The following FRMD4B variants were observed in gnomAD, a reference collection of about 807,000 sequenced individuals.
FRMD4B encodes the protein FERM domain containing 4B, also known as FERM domain-containing protein 4B.
In FRMD4B, 74 loss-of-function variants were observed where a neutral mutation model predicts 141.5. That is an observed-to-expected ratio of 0.52 (90% confidence interval 0.43 to 0.63). The LOEUF is 0.63. FRMD4B is among the 30% of genes least tolerant of loss of function. The pLI, the probability that FRMD4B is intolerant of heterozygous loss-of-function variation, is 0.00. For synonymous variants in FRMD4B, 506 were observed against 467.9 expected (o/e 1.08, Z -1.05); for missense variants, 1,366 against 1,253.4 (o/e 1.09, Z -1.36).
chr3:69,396,804 G>A (rs1215784783), intron 2 of FRMD4B, among the ~76,000 whole-genome samples: 2 of 152,142 alleles, frequency 1.3e-5, no homozygotes, highest in African/African-American at 2.4e-5. Flanking sequence ...GAATTACCAC[G>A]TGATCCAGCA....
chr3:69,418,797 C>T (rs1377015603), intron 2 of FRMD4B, among the ~76,000 whole-genome samples: 4 of 152,036 alleles, frequency 2.6e-5, no homozygotes, highest in African/African-American at 9.7e-5. Flanking sequence ...TTAAGTTGTG[C>T]CCAGACTCCT....
At chr3:69,395,727 A>G (rs1299486820) in intron 2 of FRMD4B, among the ~76,000 whole-genome samples, 1 of 152,220 alleles carries the variant, frequency 6.6e-6, no homozygotes, top group African/African-American at 2.4e-5. Flanking sequence ...TGAATTGTAT[A>G]CAAGAAGAGC....
intron 1 of FRMD4B, among the ~76,000 whole-genome samples, chr3:69,467,735 T>C (rs1203038028): frequency 6.6e-6 from 1 of 152,180 alleles, no homozygotes; most frequent in African/African-American, 2.4e-5. Flanking sequence ...AAGAAGAATA[T>C]GACTAGTCTG....
At chr3:69,316,366 G>A (rs1701803067) in intron 1 of FRMD4B, among the ~76,000 whole-genome samples, 1 of 152,134 alleles carries the variant, frequency 6.6e-6, no homozygotes, top group South Asian at 2.1e-4. Flanking sequence ...TCTCAGTAAA[G>A]CTCTGCAAAA....
At chr3:69,200,637 C>G in intron 11 of FRMD4B, 1 of 1,223,814 alleles carries the variant, frequency 8.2e-7, no homozygotes, top group African/African-American at 1.6e-5. Context: ...TTCCTCCCAT[C>G]AGGGAGAGGA....
At chr3:69,467,645 T>A (rs1344163636) in intron 1 of FRMD4B, among the ~76,000 whole-genome samples, 1 of 152,202 alleles carries the variant, frequency 6.6e-6, no homozygotes, top group Non-Finnish European at 1.5e-5. Flanking sequence ...GCCTAGGGTT[T>A]TTTGTGAGAA....
At chr3:69,359,457 CA>C (rs1223381326) in intron 1 of FRMD4B, among the ~76,000 whole-genome samples, 5 of 152,156 alleles carry the variant, frequency 3.3e-5, no homozygotes, top group African/African-American at 1.2e-4. Context: ...TAATTTAGTA[CA>C]AACTGGGACT....
intron 5 of FRMD4B, among the ~76,000 whole-genome samples, chr3:69,261,744 C>T (rs1303889055): frequency 6.6e-6 from 1 of 152,204 alleles, no homozygotes; most frequent in Non-Finnish European, 1.5e-5. Flanking sequence ...ACGATCTCAG[C>T]TCACCACAAC....
intron 5 of FRMD4B, among the ~76,000 whole-genome samples, chr3:69,252,084 G>T (rs1485056709): frequency 6.6e-6 from 1 of 152,070 alleles, no homozygotes; most frequent in African/African-American, 2.4e-5. Context: ...GACATCCCAC[G>T]ACCCACCTTT....
chr3:69,364,111 T>C (rs1239548643), intron 1 of FRMD4B, among the ~76,000 whole-genome samples: 1 of 152,166 alleles, frequency 6.6e-6, no homozygotes, highest in Non-Finnish European at 1.5e-5. Flanking sequence ...AAGCAAAGAA[T>C]GGATGTTTAA....
At chr3:69,400,360 C>T (rs1348742549) in intron 2 of FRMD4B, among the ~76,000 whole-genome samples, 2 of 150,062 alleles carry the variant, frequency 1.3e-5, no homozygotes, top group South Asian at 2.1e-4. Context: ...CTAGCCTGGG[C>T]AACAGAGTGA....
intron 1 of FRMD4B, among the ~76,000 whole-genome samples, chr3:69,356,343 G>A (rs6780513): frequency 0.37 from 56,088 of 151,878 alleles, 12,471 homozygotes; most frequent in African/African-American, 0.63. Context: ...ATCAGCTGCC[G>A]CTGTGGCCAG....
chr3:69,286,135 T>G (rs1700681803), intron 5 of FRMD4B, among the ~76,000 whole-genome samples: 2 of 152,184 alleles, frequency 1.3e-5, no homozygotes, highest in African/African-American at 4.8e-5. Flanking sequence ...ATGCCCACAC[T>G]ATAAGAAATG....
At chr3:69,456,158 C>T (rs1175085993) in intron 1 of FRMD4B, among the ~76,000 whole-genome samples, 2 of 152,166 alleles carry the variant, frequency 1.3e-5, no homozygotes, top group African/African-American at 2.4e-5. Flanking sequence ...TGAAACAGGG[C>T]TCCCTACCTC....
At chr3:69,291,588 A>T (rs1352500495) in intron 4 of FRMD4B, among the ~76,000 whole-genome samples, 2 of 152,144 alleles carry the variant, frequency 1.3e-5, no homozygotes, top group African/African-American at 4.8e-5. Context: ...CTCCTTCATC[A>T]TGGTGTGGGT....
intron 1 of FRMD4B, among the ~76,000 whole-genome samples, chr3:69,346,315 G>A (rs1702939804): frequency 6.6e-6 from 1 of 152,268 alleles, no homozygotes; most frequent in Non-Finnish European, 1.5e-5. Flanking sequence ...AAGCCTCCAA[G>A]AAATATGGGA....
In FRMD4B at chr3:69,300,758, C is replaced by T. The variant is rs138818893; in HGVS notation, c.416+1585G>A. Among the ~76,000 whole-genome samples the T allele has an allele frequency of 5.3e-5, 8 of 152,082 alleles. No homozygotes were observed. In the East Asian group the frequency reaches 5.8e-4, roughly 11 times the overall value. On this transcript the variant is annotated intron_variant, in intron 4 of 22. Transcript: ENST00000398540. Reference sequence around the variant, plus strand: ...TTTTGTTTTTGTTTTTGTTTTTTGGCGATGGAGTCTCACTCTGTTCTCCAT... The same window carrying T: ...TTTTGTTTTTGTTTTTGTTTTTTGGTGATGGAGTCTCACTCTGTTCTCCAT...
chr3:69,444,265 G>A (rs1321390192), intron 1 of FRMD4B, among the ~76,000 whole-genome samples: 3 of 152,298 alleles, frequency 2.0e-5, no homozygotes, highest in Middle Eastern at 3.4e-3. Flanking sequence ...CAATAATGCT[G>A]TCTCAGTGAA....
rs545424129 is a variant in FRMD4B at position 69,294,537 on chromosome 3, C to T, written c.417-6701G>A. Among the ~76,000 whole-genome samples the T allele has an allele frequency of 3.3e-5, 5 of 152,316 alleles. No individual in the cohort carries two copies. The East Asian group carries it at 9.6e-4, about 29-fold the overall frequency. On this transcript the variant is annotated intron_variant, in intron 4 of 22. Transcript: ENST00000398540. Reference sequence around the variant, plus strand: ...ACAATGTGCTTCTCTGCCAGGAATGCTCTTCCTCATTTCTGAATTTCCAGA... The same window carrying T: ...ACAATGTGCTTCTCTGCCAGGAATGTTCTTCCTCATTTCTGAATTTCCAGA...
Sources: gnomAD v4.1 joint callset for allele counts (sites outside exome capture counted in the v4.1 genomes callset) on GRCh38, gnomAD v4.1.1 for gene constraint, MANE v1.5 for transcripts, NCBI Gene and HGNC (gene_info 2026-07-23, HGNC 2026-07-21) for gene names.